The following FKBP10 variants were observed in gnomAD, a reference collection of about 807,000 sequenced individuals.
FKBP10 encodes the protein FKBP prolyl isomerase 10, also known as peptidyl-prolyl cis-trans isomerase FKBP10.
In FKBP10, 34 loss-of-function variants were observed where a neutral mutation model predicts 53.7. The observed-to-expected ratio is 0.63, with a 90% CI of 0.48 to 0.84. FKBP10 has a LOEUF of 0.84. FKBP10 is among the 40% of genes least tolerant of loss of function. The probability of loss-of-function intolerance (pLI) is 0.00; values close to 1 mark genes in which losing one functional copy is unlikely to be tolerated. For synonymous variants in FKBP10, 324 were observed against 335.7 expected, an observed-to-expected ratio of 0.97 and a Z score of 0.38; for missense variants, 748 against 797.8, an observed-to-expected ratio of 0.94 and a Z score of 0.75.
intron 1 of FKBP10, among the ~76,000 whole-genome samples, chr17:41,816,773 C>T (rs1349781485): frequency 6.6e-6 from 1 of 152,190 alleles, no homozygotes; most frequent in African/African-American, 2.4e-5. Context: ...TAGTAGCAGC[C>T]ATCAGGCCCG....
chr17:41,821,729 G>A lies in FKBP10; in HGVS notation c.1475G>A (p.Gly492Asp), dbSNP rs782742068. ...LVSREDGLPT[G>D]YLFVWHKDPP... ...TCCCGGGAGGATGGGCTGCCCACAG[G>A]CTACCTGTTTGTGTGGCACAAGGAC... Residue 492 changes from glycine (G) to aspartate (D), a missense_variant, in exon 9 of 10, where the codon GGC becomes GAC. Transcript: ENST00000321562. 5.0e-6 allele frequency: 8 copies of A among 1,614,096 alleles called. No homozygotes were observed. Among genetic ancestry groups the A allele is most frequent in the South Asian group, 3.3e-5 (3 of 91,086 alleles).
At position 41,817,152 on chromosome 17, in the gene FKBP10, C is replaced by G. The variant is rs782567665; in HGVS notation, c.340C>G (p.Arg114Gly). Residue 114 changes from arginine to glycine, a missense_variant, in exon 2 of 10, where the codon CGG becomes GGG. By Grantham distance (125) the Arg-to-Gly change is moderately radical. Transcript: ENST00000321562. ...CCTCATGGGCATGTGTGTCAACGAG[C>G]GGCGACGCCTCATTGTGCCTCCCCA... Reference protein sequence around the residue: ...RGLMGMCVNERRRLIVPPHLG... With the variant: ...RGLMGMCVNEGRRLIVPPHLG... 6.2e-7 allele frequency: 1 copy of G among 1,613,914 alleles called. No individual in the cohort carries two copies. The highest frequency in any genetic ancestry group is 1.3e-5 in the African/African-American group (1 of 74,930).
chr17:41,819,198 T>A lies in FKBP10; in HGVS notation c.728-12T>A, dbSNP rs1555616548. On this transcript the variant is annotated splice_polypyrimidine_tract_variant and intron_variant, in intron 4 of 9. Transcript: ENST00000321562. The stretch of plus-strand genomic sequence containing the variant: ...CCCCAATTTTATGGTTCAAGCCCTA[T>A]CCCTTCCCCAGGGACAGTGATCCCC... The A allele has an allele frequency of 4.3e-6, 7 of 1,614,026 alleles. No individual in the cohort carries two copies. The highest frequency in any genetic ancestry group is 5.9e-6 in the Non-Finnish European group (7 of 1,179,976).
At chr17:41,816,082 G>GAGCT (rs1340424475) in intron 1 of FKBP10, among the ~76,000 whole-genome samples, 1 of 151,674 alleles carries the variant, frequency 6.6e-6, no homozygotes, top group Non-Finnish European at 1.5e-5. Flanking sequence ...AGGTTGCAGT[G>GAGCT]AGCTGATTGC....
At chr17:41,822,109 G>C in intron 9 of FKBP10, 114 bp from the exon 10 acceptor site, 2 of 1,105,874 alleles carry the variant, frequency 1.8e-6, no homozygotes, top group Non-Finnish European at 2.7e-6. Flanking sequence ...GGGTGCGGGG[G>C]AGCCTGGGAA....
Position 41,819,452 on chromosome 17 carries a change from G to T in FKBP10, c.917+53G>T, listed in dbSNP as rs141387386. 0.012 allele frequency: 19,752 copies of T among 1,613,856 alleles called. 157 individuals carry two copies. Among genetic ancestry groups the T allele is most frequent in the Middle Eastern group, 0.036 (217 of 6,062 alleles). The stretch of plus-strand genomic sequence containing the variant: ...GGGGGCTGGGTGAAACGTGGACGAA[G>T]CTGGGGGTCACTCTGAGCTGCCTGG... On this transcript the variant is annotated intron_variant, in intron 5 of 9. Transcript: ENST00000321562.
rs1200964818 is a variant in FKBP10 at position 41,822,399 on chromosome 17, G to A, written c.1740G>A (p.Glu580=). The part of the protein sequence containing the change: ...KSDEDEERVH[E]EL ...ATGAGGACGAGGAGCGGGTCCACGA[G>A]GAGCTCTGAGGGGCAGGGAGCCTGG... The change falls in exon 10 of 10, where the codon GAG becomes GAA. Residue 580 remains glutamate (E), a synonymous_variant. Transcript: ENST00000321562. 2.5e-6 allele frequency: 4 copies of A among 1,604,878 alleles called. No homozygotes were observed. The African/African-American group carries it at 4.0e-5, about 16-fold the overall frequency.
intron 4 of FKBP10, chr17:41,818,823 G>C (rs1340148286): frequency 6.9e-6 from 3 of 431,726 alleles, no homozygotes; most frequent in Non-Finnish European, 1.3e-5. Flanking sequence ...GGGCGTGGTG[G>C]GGGCGCCTGT....
chr17:41,821,940 T>C, intron 9 of FKBP10, 123 bp downstream of exon 9: 1 of 1,220,978 alleles, frequency 8.2e-7, no homozygotes, highest in South Asian at 1.3e-5. Context: ...CTGCGCTGAG[T>C]CCCACGCCTC....
chr17:41,821,918 T>G, intron 9 of FKBP10, 101 bp downstream of exon 9: 1 of 1,440,452 alleles, frequency 6.9e-7, no homozygotes, highest in Non-Finnish European at 9.6e-7. Flanking sequence ...CCACCCGCCC[T>G]GGTGCTCCTG....
chr17:41,819,683 C>A lies in FKBP10; in HGVS notation c.1063+8C>A. The A allele has an allele frequency of 6.3e-7, 1 of 1,591,796 alleles. No individual in the cohort carries two copies. Among genetic ancestry groups the A allele is most frequent in the Admixed American group, 1.7e-5 (1 of 57,548 alleles). On this transcript the variant is annotated splice_region_variant and intron_variant, in intron 6 of 9. Coordinates refer to ENST00000321562, the MANE Select transcript of FKBP10 (RefSeq NM_021939.4). Reference sequence around the variant, plus strand: ...ATGGGGAGAATGGAACTGGTAGGGGCGTTCCCCAGCCACCACCTCAGCTCC... The same window carrying A: ...ATGGGGAGAATGGAACTGGTAGGGGAGTTCCCCAGCCACCACCTCAGCTCC...
chr17:41,822,901 C>T lies in FKBP10; in HGVS notation c.*493C>T, dbSNP rs2047909712. 4.2e-6 allele frequency: 1 copy of T among 240,804 alleles called. No individual in the cohort carries two copies. The highest frequency in any genetic ancestry group is 8.2e-6 in the Non-Finnish European group (1 of 121,948). The allele number at this position is 240,804 out of a possible 1,614,324, so 14.9% of individuals were successfully genotyped here. On this transcript the variant is annotated 3_prime_UTR_variant, in exon 10 of 10. Coordinates refer to ENST00000321562, the MANE Select transcript of FKBP10 (RefSeq NM_021939.4). ...GAAGGGGAAGGCTCCTGGAGGGCAGCCCTACCTCTCCCATGCCCTTTGCCC... is the reference window on the plus strand; with the variant it reads ...GAAGGGGAAGGCTCCTGGAGGGCAGTCCTACCTCTCCCATGCCCTTTGCCC...
intron 3 of FKBP10, 38 bp from the exon 4 acceptor site, chr17:41,818,344 C>G: frequency 6.2e-7 from 1 of 1,614,134 alleles, no homozygotes; most frequent in Non-Finnish European, 8.5e-7. Flanking sequence ...AATCCGGGGC[C>G]CAGCCTGCCT....
intron 1 of FKBP10, among the ~76,000 whole-genome samples, chr17:41,816,361 A>T (rs2047816743): frequency 6.7e-6 from 1 of 148,866 alleles, no homozygotes; most frequent in Admixed American, 6.9e-5. Context: ...CTCCTGAGTA[A>T]CTGGGACTAC....
At chr17:41,820,605 T>C in intron 7 of FKBP10, 144 bp downstream of exon 7, 1 of 861,358 alleles carries the variant, frequency 1.2e-6, no homozygotes, top group Non-Finnish European at 1.8e-6. Context: ...TTTCTGTAAG[T>C]CCCCATCTCG....
rs1555616387 is a variant in FKBP10, at chr17:41,818,245, G to C, written c.548G>C (p.Gly183Ala). 6.2e-7 allele frequency: 1 copy of C among 1,613,494 alleles called. No individual in the cohort carries two copies. Among genetic ancestry groups the C allele is most frequent in the Non-Finnish European group, 8.5e-7 (1 of 1,180,012 alleles). ...DGDFVRYHYN[G>A]TLLDGTSFDT... ...GACTTTGTCCGCTACCACTACAATGGCACCCTGCTGGACGGCACCTCCTTC... is the reference window on the plus strand; with the variant it reads ...GACTTTGTCCGCTACCACTACAATGCCACCCTGCTGGACGGCACCTCCTTC... Residue 183 changes from glycine to alanine, a missense_variant, in exon 3 of 10, where the codon GGC becomes GCC. Coordinates refer to ENST00000321562, the MANE Select transcript of FKBP10 (RefSeq NM_021939.4).
Position 41,822,279 on chromosome 17 carries a change from G to A in FKBP10, c.1620G>A (p.Gly540=). 6.2e-7 allele frequency: 1 copy of A among 1,613,876 alleles called. No homozygotes were observed. Among genetic ancestry groups the A allele is most frequent in the Non-Finnish European group, 8.5e-7 (1 of 1,179,924 alleles). Residue 540 remains glycine, a synonymous_variant, in exon 10 of 10, where the codon GGG becomes GGA. Coordinates refer to ENST00000321562, the MANE Select transcript of FKBP10 (RefSeq NM_021939.4). Reference sequence around the variant, plus strand: ...AGGGCAAAGGACGCCTCATGCCTGGGCAGGACCCTGAGAAAACCATAGGAG... The same window carrying A: ...AGGGCAAAGGACGCCTCATGCCTGGACAGGACCCTGAGAAAACCATAGGAG... ...VSEGKGRLMP[G]QDPEKTIGDM... is the part of the protein sequence containing the mutation.
chr17:41,813,296 G>C lies in FKBP10; in HGVS notation c.245+17G>C. On this transcript the variant is annotated intron_variant, in intron 1 of 9. Transcript: ENST00000321562. ...TGATTCAAGGTAACCCCGGTTGGGC[G>C]CCCCCGGATTCACCACTCCGTCCCC... The C allele has an allele frequency of 6.2e-7, 1 of 1,613,166 alleles. No homozygotes were observed. Among genetic ancestry groups the C allele is most frequent in the Non-Finnish European group, 8.5e-7 (1 of 1,179,846 alleles).
rs142507953 is a variant in FKBP10, at chr17:41,817,123, G to A, written c.311G>A (p.Arg104Gln). 16 of 1,614,088 alleles carry A rather than the reference G, an allele frequency of 9.9e-6. No homozygotes were observed. Among genetic ancestry groups the A allele is most frequent in the Middle Eastern group, 1.6e-4 (1 of 6,062 alleles). Reference protein sequence around the residue: ...GVGRLITGMDRGLMGMCVNER... With the variant: ...GVGRLITGMDQGLMGMCVNER... Reference sequence around the variant, plus strand: ...GGGCGCCTCATCACTGGCATGGACCGAGGCCTCATGGGCATGTGTGTCAAC... The same window carrying A: ...GGGCGCCTCATCACTGGCATGGACCAAGGCCTCATGGGCATGTGTGTCAAC... Residue 104 changes from arginine to glutamine, a missense_variant, in exon 2 of 10, where the codon CGA (arginine) becomes CAA (glutamine). By Grantham distance (43) the Arg-to-Gln change is conservative. Coordinates refer to ENST00000321562, the MANE Select transcript of FKBP10 (RefSeq NM_021939.4).
Sources: allele counts gnomAD v4.1 joint callset (sites outside exome capture counted in the v4.1 genomes callset), GRCh38; gene constraint gnomAD v4.1.1; transcripts MANE v1.5; gene names NCBI Gene and HGNC (gene_info 2026-07-23, HGNC 2026-07-21).